The following GNA14 variants were observed in gnomAD, a reference collection of about 807,000 sequenced individuals.
GNA14 encodes the protein G protein subunit alpha 14.
A neutral mutation model predicts 42.0 loss-of-function variants in GNA14; 50 were observed. That is an observed-to-expected ratio of 1.19 (90% CI 0.95 to 1.51). The LOEUF (loss-of-function observed/expected upper bound fraction) is 1.51. Among genes scored for constraint, GNA14 ranks in the 40% most tolerant of loss-of-function variants. The probability of loss-of-function intolerance (pLI) is 0.00; values close to 1 mark genes in which losing one functional copy is unlikely to be tolerated. For missense variants in GNA14, 473 were observed against 446.2 expected (o/e 1.06, Z -0.54); for synonymous variants, 173 against 163.1 (o/e 1.06, Z -0.46).
chr9:77,442,158 G>C (rs1396711059), intron 2 of GNA14, among the ~76,000 whole-genome samples: 1 of 152,192 alleles, frequency 6.6e-6, no homozygotes. Flanking sequence ...GATCACTTGA[G>C]GCCAGGAGTT....
intron 1 of GNA14, among the ~76,000 whole-genome samples, chr9:77,554,649 TTC>T (rs1318631198): frequency 6.6e-6 from 1 of 152,208 alleles, no homozygotes; most frequent in Non-Finnish European, 1.5e-5. Context: ...TGTCAAAACA[TTC>T]TCTGACAAAG....
chr9:77,434,547 C>T (rs1835612754), intron 2 of GNA14, 25 bp from the exon 3 acceptor site: 2 of 1,605,202 alleles, frequency 1.2e-6, no homozygotes, highest in Non-Finnish European at 1.7e-6. Context: ...GAGAACCTTG[C>T]ATCAGGCAAA....
At chr9:77,484,307 G>A (rs1037136725) in intron 2 of GNA14, among the ~76,000 whole-genome samples, 2 of 152,122 alleles carry the variant, frequency 1.3e-5, no homozygotes, top group African/African-American at 2.4e-5. Context: ...CTGCCTCAAA[G>A]TTTAGGAATA....
chr9:77,587,922 G>A (rs1290118561), intron 1 of GNA14, among the ~76,000 whole-genome samples: 3 of 152,094 alleles, frequency 2.0e-5, no homozygotes, highest in East Asian at 1.9e-4. Context: ...TCTAAGGGAG[G>A]CTTCATTCCA....
intron 2 of GNA14, among the ~76,000 whole-genome samples, chr9:77,489,904 C>T (rs191605296): frequency 6.6e-5 from 10 of 152,054 alleles, no homozygotes; most frequent in Non-Finnish European, 1.0e-4. Flanking sequence ...GGAAGGGGAC[C>T]GGAGCAGGTT....
chr9:77,468,797 G>A (rs887284985), intron 2 of GNA14, among the ~76,000 whole-genome samples: 9 of 152,224 alleles, frequency 5.9e-5, no homozygotes, highest in African/African-American at 2.2e-4. Flanking sequence ...CGGTAACTGT[G>A]TGAAGCACAG....
At chr9:77,530,581 A>T (rs1294886620) in intron 1 of GNA14, among the ~76,000 whole-genome samples, 6 of 152,264 alleles carry the variant, frequency 3.9e-5, no homozygotes, top group Admixed American at 3.9e-4. Flanking sequence ...TTGGTTAAAT[A>T]ATCTCTGCAA....
At chr9:77,621,511 T>A (rs1340203307) in intron 1 of GNA14, among the ~76,000 whole-genome samples, 3 of 152,238 alleles carry the variant, frequency 2.0e-5, no homozygotes, top group African/African-American at 7.2e-5. Flanking sequence ...ATAGACCCTA[T>A]GTTTAGTGTC....
chr9:77,603,687 C>T (rs1043398409), intron 1 of GNA14, among the ~76,000 whole-genome samples: 5 of 151,964 alleles, frequency 3.3e-5, no homozygotes, highest in Admixed American at 2.0e-4. Context: ...TCTGAGAGGC[C>T]GGGCACAGTG....
intron 2 of GNA14, among the ~76,000 whole-genome samples, chr9:77,507,169 T>C (rs560439755): frequency 4.6e-5 from 7 of 152,288 alleles, no homozygotes; most frequent in South Asian, 2.1e-4. Flanking sequence ...CAACATGCCT[T>C]TGCCTCCATC....
intron 1 of GNA14, among the ~76,000 whole-genome samples, chr9:77,583,187 G>C (rs868660081): frequency 1.3e-5 from 2 of 152,160 alleles, no homozygotes; most frequent in Admixed American, 6.5e-5. Context: ...CGCAGTCTTT[G>C]TTTTGTGAAT....
chr9:77,539,574 G>T (rs954121851), intron 1 of GNA14, among the ~76,000 whole-genome samples: 2 of 152,124 alleles, frequency 1.3e-5, no homozygotes, highest in African/African-American at 2.4e-5. Context: ...ATAGTTTCAG[G>T]AAGATTGGTA....
chr9:77,520,138 A>G (rs779606266), intron 2 of GNA14, among the ~76,000 whole-genome samples: 1 of 152,208 alleles, frequency 6.6e-6, no homozygotes, highest in Non-Finnish European at 1.5e-5. Context: ...GATGCTTTCT[A>G]GAATAGTTTG....
chr9:77,579,825 C>T (rs1273071887), intron 1 of GNA14, among the ~76,000 whole-genome samples: 2 of 152,218 alleles, frequency 1.3e-5, no homozygotes, highest in Non-Finnish European at 2.9e-5. Context: ...TGAGTTTTTA[C>T]ACTTTCCAGT....
chr9:77,640,087 C>T (rs1459883413), intron 1 of GNA14, among the ~76,000 whole-genome samples: 1 of 152,190 alleles, frequency 6.6e-6, no homozygotes, highest in Non-Finnish European at 1.5e-5. Flanking sequence ...AGGAGTGCAC[C>T]CTGATGCCAC....
intron 2 of GNA14, among the ~76,000 whole-genome samples, chr9:77,461,153 C>T (rs897790380): frequency 9.9e-5 from 15 of 152,276 alleles, no homozygotes; most frequent in African/African-American, 1.4e-4. Flanking sequence ...CAGGCCCCCG[C>T]GGAGGGCTGC....
chr9:77,434,652 C>T, intron 2 of GNA14, 130 bp from the exon 3 acceptor site: 1 of 730,746 alleles, frequency 1.4e-6, no homozygotes, highest in Non-Finnish European at 2.2e-6. Flanking sequence ...GTGGTGGGCA[C>T]CCTCCCAGGG....
intron 5 of GNA14, among the ~76,000 whole-genome samples, chr9:77,426,037 A>C (rs961477192): frequency 6.6e-6 from 1 of 152,206 alleles, no homozygotes; most frequent in Non-Finnish European, 1.5e-5. Context: ...CCCACGTTTC[A>C]CAAGTTTCCT....
At chr9:77,503,516 C>A (rs73651515) in intron 2 of GNA14, among the ~76,000 whole-genome samples, 2,624 of 152,274 alleles carry the variant, frequency 0.017, 45 homozygotes, top group African/African-American at 0.039. Flanking sequence ...ATGTTCATTT[C>A]TCTCCCTCCC....
Sources: allele counts gnomAD v4.1 joint callset (sites outside exome capture counted in the v4.1 genomes callset), GRCh38; gene constraint gnomAD v4.1.1; transcripts MANE v1.5; gene names NCBI Gene and HGNC (gene_info 2026-07-23, HGNC 2026-07-21).